HERC2: variants seen among roughly 807,000 people sequenced by gnomAD.
HERC2 encodes the protein HECT and RLD domain containing E3 ubiquitin protein ligase 2, also known as E3 ubiquitin-protein ligase HERC2.
A neutral mutation model predicts 537.7 loss-of-function variants in HERC2; 102 were observed. That is an observed-to-expected ratio of 0.19 (90% CI 0.16 to 0.22). The LOEUF (loss-of-function observed/expected upper bound fraction) is 0.22. Among genes scored for constraint, HERC2 ranks in the 10% least tolerant of loss-of-function variants. The pLI is 1.00. For missense variants in HERC2, 4,236 were observed against 6,198.2 expected (o/e 0.68, Z 10.63); for synonymous variants, 2,224 against 2,466.2 (o/e 0.90, Z 2.91).
chr15:28,312,636 TAAAATA>T (rs1270019639), intron 2 of HERC2: 1 of 166,888 alleles, frequency 6.0e-6, no homozygotes, highest in Non-Finnish European at 1.2e-5. Context: ...ATAAAAAAAA[TAAAATA>T]AAATAAAGAA....
At chr15:28,242,872 T>A (rs192739149) in intron 23 of HERC2, among the ~76,000 whole-genome samples, 73 of 152,248 alleles carry the variant, frequency 4.8e-4, no homozygotes, top group Admixed American at 2.6e-3. Context: ...TAAAACTGCA[T>A]CACAAAGCAG....
Position 28,141,778 on chromosome 15 carries a change from G to A in HERC2, c.11769C>T (p.Asp3923=), listed in dbSNP as rs1424449204. The change falls in exon 77 of 93, where the codon GAC becomes GAT. Residue 3923 remains aspartate, a synonymous_variant. Coordinates refer to ENST00000261609, the MANE Select transcript of HERC2 (RefSeq NM_004667.6). ...GTTCGTCTTGCTCTCTTTTAAAAAT[G>A]TCATGGCTCTCATGCAGAACATCCA... The part of the protein sequence containing the change: ...ENMDVLHESH[D]IFKREQDEQL... The A allele has an allele frequency of 6.2e-7, 1 of 1,614,158 alleles. No homozygotes were observed. Among genetic ancestry groups the A allele is most frequent in the South Asian group, 1.1e-5 (1 of 91,076 alleles).
In HERC2 at chr15:28,265,899, G is replaced by A. The variant is rs148362399; in HGVS notation, c.1674C>T (p.Cys558=). ...TGATGGCCGCACTGTAAGTGCTCCC[G>A]CAAGCGATGTGCACCACGTGCTTCC... is the stretch of plus-strand genomic sequence containing the variant. ...QAGKHVVHIA[C]GSTYSAAITA... is the part of the protein sequence containing the mutation. The change falls in exon 13 of 93, where the codon TGC becomes TGT. Residue 558 remains cysteine, a synonymous_variant. Coordinates refer to ENST00000261609, the MANE Select transcript of HERC2 (RefSeq NM_004667.6). This position sits in a 1 kb window ranked among gnomAD's most constrained non-coding sequence, Gnocchi z 4.0. 2.3e-4 allele frequency: 378 copies of A among 1,614,146 alleles called. 1 individual carries two copies. The African/African-American group carries it at 4.3e-3, about 18-fold the overall frequency.
rs192870037 is a variant in HERC2, at chr15:28,201,792, T to C, written c.7618-238A>G. ...ACTTCCAAATTAATCCTACGAATAA[T>C]TTACTCAGGTCAGAAACTGATGTGT... On this transcript the variant is annotated intron_variant, in intron 47 of 92. Transcript: ENST00000261609. Among the ~76,000 whole-genome samples the C allele has an allele frequency of 1.3e-3, 199 of 152,290 alleles. 1 individual carries two copies. In the East Asian group the frequency reaches 0.019, roughly 15 times the overall value.
At chr15:28,270,972 C>T in intron 9 of HERC2, 104 bp from the exon 10 acceptor site, 1 of 900,116 alleles carries the variant, frequency 1.1e-6, no homozygotes, top group Non-Finnish European at 1.7e-6. Context: ...ACTCATTTGA[C>T]CCATCAAATG....
At chr15:28,314,181 A>G (rs1305059870) in intron 2 of HERC2, among the ~76,000 whole-genome samples, 1 of 152,240 alleles carries the variant, frequency 6.6e-6, no homozygotes, top group Admixed American at 6.5e-5. Context: ...AAGCAAATAT[A>G]ATAATGACAA....
intron 79 of HERC2, among the ~76,000 whole-genome samples, chr15:28,134,211 T>C (rs1284698812): frequency 5.9e-5 from 9 of 152,220 alleles, no homozygotes; most frequent in Non-Finnish European, 8.8e-5. Context: ...TATCCCATAG[T>C]TTTTCAATTC....
intron 23 of HERC2, among the ~76,000 whole-genome samples, chr15:28,244,649 T>C (rs1411915651): frequency 2.0e-5 from 3 of 152,204 alleles, no homozygotes; most frequent in African/African-American, 7.2e-5. Flanking sequence ...ATCAAATGAA[T>C]GCCCCTCAAC....
Position 28,175,676 on chromosome 15 carries a change from G to T in HERC2, c.9687-20C>A. On this transcript the variant is annotated intron_variant, in intron 63 of 92. Coordinates refer to ENST00000261609, the MANE Select transcript of HERC2 (RefSeq NM_004667.6). ...TTTCCCCTGAGAGAAGGCCCATGGT[G>T]GAGAGTTACAATACGGTTATGGTCT... is the stretch of plus-strand genomic sequence containing the variant. 1 of 1,613,796 alleles carries T rather than the reference G, an allele frequency of 6.2e-7. No homozygotes were observed. The highest frequency in any genetic ancestry group is 8.5e-7 in the Non-Finnish European group (1 of 1,179,756).
intron 65 of HERC2, among the ~76,000 whole-genome samples, chr15:28,171,003 G>A (rs1894639759): frequency 6.6e-6 from 1 of 152,162 alleles, no homozygotes; most frequent in South Asian, 2.1e-4. Flanking sequence ...GGAAAAACTG[G>A]ATCATCCTCC....
rs1054697939 is a variant in HERC2 at position 28,177,998 on chromosome 15, C to T, written c.9164-489G>A. 2.6e-5 allele frequency among the ~76,000 whole-genome samples: 4 copies of T among 152,204 alleles called. No individual in the cohort carries two copies. The highest frequency in any genetic ancestry group is 2.0e-4 in the Admixed American group (3 of 15,274). ...GCATGGAATATTCTCAAAGTCCATACAACCTGCCTCAGGATTAAAGGCATG... is the reference window on the plus strand; with the variant it reads ...GCATGGAATATTCTCAAAGTCCATATAACCTGCCTCAGGATTAAAGGCATG... On this transcript the variant is annotated intron_variant, in intron 59 of 92. Transcript: ENST00000261609. This position sits in a 1 kb window ranked among gnomAD's most constrained non-coding sequence, Gnocchi z 5.0.
intron 78 of HERC2, among the ~76,000 whole-genome samples, chr15:28,140,315 G>A (rs1431567250): frequency 6.6e-6 from 1 of 151,950 alleles, no homozygotes; most frequent in East Asian, 1.9e-4. Context: ...ACCCCAGCCT[G>A]CACCATGAGC....
In HERC2 at chr15:28,153,690, A is replaced by G. The variant is rs189534542; in HGVS notation, c.10747-860T>C. On this transcript the variant is annotated intron_variant, in intron 69 of 92. Transcript: ENST00000261609. ...AAAAAAAAGTAGTTGGAAGGCTCCC[A>G]ACACACACAACACTTAATATGTGCC... Among the ~76,000 whole-genome samples, 74 of 152,342 alleles carry G rather than the reference A, an allele frequency of 4.9e-4. No individual in the cohort carries two copies. In the East Asian group the frequency reaches 9.6e-3, roughly 20 times the overall value.
chr15:28,288,848 C>CAA lies in HERC2; in HGVS notation c.322+4038_322+4039dup, dbSNP rs374534381. ...GGGCAACAACAGCAAAACTCCATCT[C>CAA]AAAAAAAAAAAAAAAAGACTTTTTT... On this transcript the variant is annotated intron_variant, in intron 4 of 92. Coordinates refer to ENST00000261609, the MANE Select transcript of HERC2 (RefSeq NM_004667.6). 5.5e-3 allele frequency among the ~76,000 whole-genome samples: 410 copies of CAA among 74,884 alleles called. 4 individuals carry two copies. Among genetic ancestry groups the CAA allele is most frequent in the African/African-American group, 0.016 (384 of 23,342 alleles). 49.1% of individuals were successfully genotyped at this position (74,884 alleles called of 152,430 possible).
intron 78 of HERC2, among the ~76,000 whole-genome samples, chr15:28,136,792 C>T (rs1890689257): frequency 6.6e-6 from 1 of 152,154 alleles, no homozygotes; most frequent in Admixed American, 6.5e-5. Flanking sequence ...GTGCCCTTTA[C>T]AGAAAGTGTT....
intron 2 of HERC2, among the ~76,000 whole-genome samples, chr15:28,310,710 G>T (rs1310122114): frequency 1.3e-5 from 2 of 152,008 alleles, no homozygotes; most frequent in Admixed American, 1.3e-4. Context: ...CTATCTTTAG[G>T]CACTCAAGGG....
chr15:28,275,422 G>A (rs977414421), intron 5 of HERC2, among the ~76,000 whole-genome samples: 1 of 152,206 alleles, frequency 6.6e-6, no homozygotes, highest in East Asian at 1.9e-4. Context: ...CAGCTCCGGC[G>A]TCCTCCACTC....
chr15:28,316,532 T>A (rs1008215802), intron 2 of HERC2, among the ~76,000 whole-genome samples: 2 of 152,224 alleles, frequency 1.3e-5, no homozygotes, highest in African/African-American at 4.8e-5. Context: ...AAATGTCACA[T>A]ACAGGGTTAC....
Position 28,176,653 on chromosome 15 carries a change from C to T in HERC2, c.9514+34G>A. 1 of 1,613,870 alleles carries T rather than the reference C, an allele frequency of 6.2e-7. No individual in the cohort carries two copies. Among genetic ancestry groups the T allele is most frequent in the Non-Finnish European group, 8.5e-7 (1 of 1,179,770 alleles). ...GCCAGCGTTTCATATCATTCCTACC[C>T]ACCCAGAAGCACAGAATCCTGCCAG... is the stretch of plus-strand genomic sequence containing the variant. On this transcript the variant is annotated intron_variant, in intron 62 of 92. Coordinates refer to ENST00000261609, the MANE Select transcript of HERC2 (RefSeq NM_004667.6). The surrounding 1 kb of genome is among the most constrained non-coding windows in gnomAD (Gnocchi z 5.0).
Sources: allele counts gnomAD v4.1 joint callset (sites outside exome capture counted in the v4.1 genomes callset), GRCh38; gene constraint gnomAD v4.1.1; non-coding constraint Gnocchi (gnomAD v3.1); transcripts MANE v1.5; gene names NCBI Gene and HGNC (gene_info 2026-07-23, HGNC 2026-07-21).